RHBDL2: variants seen among roughly 807,000 people sequenced by gnomAD.
RHBDL2 encodes the protein rhomboid-related protein 2.
A neutral mutation model predicts 31.7 loss-of-function variants in RHBDL2; 26 were observed. The ratio of observed to expected loss-of-function variants is 0.82; its 90% CI spans 0.60 to 1.14. RHBDL2 has a LOEUF of 1.14. Ranked by LOEUF, RHBDL2 falls within the 50% of genes most tolerant of loss-of-function variation. The probability of loss-of-function intolerance (pLI) is 0.00; values close to 1 mark genes in which losing one functional copy is unlikely to be tolerated. For missense variants in RHBDL2, 336 were observed against 364.4 expected (o/e 0.92, Z 0.63); for synonymous variants, 123 against 127.2 (o/e 0.97, Z 0.22).
At chr1:38,921,829 T>C (rs1643319465) in intron 1 of RHBDL2, among the ~76,000 whole-genome samples, 1 of 152,178 alleles carries the variant, frequency 6.6e-6, no homozygotes, top group Admixed American at 6.6e-5. Flanking sequence ...AAAACTACAA[T>C]GTGGATTTAA....
At chr1:38,925,531 G>A (rs1643365865) in intron 1 of RHBDL2, among the ~76,000 whole-genome samples, 1 of 149,508 alleles carries the variant, frequency 6.7e-6, no homozygotes, top group African/African-American at 2.5e-5. Flanking sequence ...AAAAAAAAAA[G>A]GTTAATCTCT....
intron 4 of RHBDL2, among the ~76,000 whole-genome samples, chr1:38,905,989 C>T (rs979161369): frequency 6.6e-6 from 1 of 151,666 alleles, no homozygotes; most frequent in Non-Finnish European, 1.5e-5. Context: ...ATCGCTTGAA[C>T]CTGGGAGGCA....
chr1:38,888,469 C>T (rs1047502738), intron 6 of RHBDL2, among the ~76,000 whole-genome samples: 16 of 152,058 alleles, frequency 1.1e-4, no homozygotes, highest in African/African-American at 3.4e-4. Flanking sequence ...TGCCAGTTGT[C>T]GAGTGTGATT....
rs1642833817 is a variant in RHBDL2, at chr1:38,889,976, A to G, written c.671-1952T>C. ...AATTGAGGTCGAGGAAATATTCAATATTCATTTAGTTGTAAATGACTATTA... is the reference window on the plus strand; with the variant it reads ...AATTGAGGTCGAGGAAATATTCAATGTTCATTTAGTTGTAAATGACTATTA... On this transcript the variant is annotated intron_variant, in intron 6 of 7. Coordinates refer to ENST00000372990, the MANE Select transcript of RHBDL2 (RefSeq NM_017821.5). Among the ~76,000 whole-genome samples the G allele has an allele frequency of 2.0e-5, 3 of 152,022 alleles. No individual in the cohort carries two copies. The South Asian group carries it at 6.2e-4, about 32-fold the overall frequency.
At chr1:38,913,503 T>C (rs570189036) in intron 3 of RHBDL2, 1 of 151,846 alleles carries the variant, frequency 6.6e-6, no homozygotes, top group South Asian at 2.1e-4. Context: ...TTCTATTTTA[T>C]TTTTTATTTA....
At chr1:38,896,425 G>A (rs1470141153) in intron 4 of RHBDL2, among the ~76,000 whole-genome samples, 1 of 152,128 alleles carries the variant, frequency 6.6e-6, no homozygotes, top group Non-Finnish European at 1.5e-5. Flanking sequence ...GATTGTCAGG[G>A]TAAATAATGA....
chr1:38,896,216 A>C, intron 4 of RHBDL2, 147 bp from the exon 5 acceptor site: 1 of 607,888 alleles, frequency 1.6e-6, no homozygotes, highest in South Asian at 2.1e-5. Flanking sequence ...ATACCATAGA[A>C]GCATAGCTGT....
chr1:38,892,944 C>T (rs1460757488), intron 6 of RHBDL2, among the ~76,000 whole-genome samples: 1 of 152,212 alleles, frequency 6.6e-6, no homozygotes, highest in African/African-American at 2.4e-5. Context: ...AAAGGCTGCT[C>T]TAGTGCCAAT....
chr1:38,894,314 T>TTTGTTG (rs370276049), intron 5 of RHBDL2, among the ~76,000 whole-genome samples: 11 of 151,882 alleles, frequency 7.2e-5, no homozygotes, highest in Admixed American at 2.6e-4. Flanking sequence ...TACCTAGAAT[T>TTTGTTG]TTGTTGTTGT....
intron 1 of RHBDL2, among the ~76,000 whole-genome samples, chr1:38,928,333 G>C (rs749905479): frequency 1.3e-4 from 19 of 151,900 alleles, no homozygotes; most frequent in South Asian, 1.0e-3. Context: ...TAGTAGAGAC[G>C]GGGTTTCACC....
Position 38,911,973 on chromosome 1 carries a change from A to AT in RHBDL2, c.396-540dup, listed in dbSNP as rs879727227. On this transcript the variant is annotated intron_variant, in intron 3 of 7. Transcript: ENST00000372990. ...AGGTGCCTGCAACCACGCCCAGCTA[A>AT]TTTTTTTTTTTTTGGTAGACGGAGT... Among the ~76,000 whole-genome samples, 446 of 142,604 alleles carry AT rather than the reference A, an allele frequency of 3.1e-3. 2 individuals carry two copies. The highest frequency in any genetic ancestry group is 5.0e-3 in the African/African-American group (196 of 38,872). The allele number at this position is 142,604 out of a possible 152,430, so 93.6% of individuals were successfully genotyped here.
At chr1:38,891,863 C>G (rs1642859378) in intron 6 of RHBDL2, among the ~76,000 whole-genome samples, 1 of 152,160 alleles carries the variant, frequency 6.6e-6, no homozygotes, top group Non-Finnish European at 1.5e-5. Context: ...TCAGGTATAA[C>G]CTCTGCCTTG....
At chr1:38,892,857 G>A (rs750878913) in intron 6 of RHBDL2, among the ~76,000 whole-genome samples, 5 of 152,196 alleles carry the variant, frequency 3.3e-5, no homozygotes, top group Non-Finnish European at 7.3e-5. Flanking sequence ...GAAACAAATT[G>A]AGTCTAAGAA....
rs148409315 is a variant in RHBDL2 at position 38,919,094 on chromosome 1, G to A, written c.119C>T (p.Ala40Val). The change falls in exon 2 of 8, where the codon GCC (alanine) becomes GTC (valine). Residue 40 changes from alanine to valine, a missense_variant. By Grantham distance (64) the Ala-to-Val change is moderately conservative (BLOSUM62 0). Coordinates refer to ENST00000372990, the MANE Select transcript of RHBDL2 (RefSeq NM_017821.5). ...MREDGGGKDR[A>V]KSKKVHRIVS... ...AATCCTGTGGACCTTTTTACTCTTGGCCCGATCTTTACCTCCCCCATCCTC... is the reference window on the plus strand; with the variant it reads ...AATCCTGTGGACCTTTTTACTCTTGACCCGATCTTTACCTCCCCCATCCTC... 9.4e-5 allele frequency: 151 copies of A among 1,613,816 alleles called. 1 individual carries two copies. Among genetic ancestry groups the A allele is most frequent in the Non-Finnish European group, 1.2e-4 (143 of 1,180,006 alleles).
chr1:38,909,767 T>C (rs928473996), intron 4 of RHBDL2, among the ~76,000 whole-genome samples: 23 of 152,012 alleles, frequency 1.5e-4, no homozygotes, highest in African/African-American at 5.6e-4. Context: ...ATGAATTAAA[T>C]TAAATTAAAT....
intron 1 of RHBDL2, among the ~76,000 whole-genome samples, chr1:38,924,671 T>C (rs1393871749): frequency 6.6e-6 from 1 of 151,160 alleles, no homozygotes; most frequent in South Asian, 2.1e-4. Context: ...TTGTTAACAA[T>C]CACAGAGCCA....
chr1:38,887,958 C>T lies in RHBDL2; in HGVS notation c.732+5G>A, dbSNP rs1642807059. 1.3e-6 allele frequency: 2 copies of T among 1,594,324 alleles called. No homozygotes were observed. Among genetic ancestry groups the T allele is most frequent in the Non-Finnish European group, 1.7e-6 (2 of 1,163,580 alleles). ...TATTTTATAAAAGAAAGAAACTGAACTCACCGGAGACCCATCTTCAGGAAC... is the reference window on the plus strand; with the variant it reads ...TATTTTATAAAAGAAAGAAACTGAATTCACCGGAGACCCATCTTCAGGAAC... On this transcript the variant is annotated splice_donor_5th_base_variant and intron_variant, in intron 7 of 7. Transcript: ENST00000372990.
intron 5 of RHBDL2, among the ~76,000 whole-genome samples, chr1:38,894,999 C>G (rs1642899617): frequency 6.6e-6 from 1 of 152,162 alleles, no homozygotes; most frequent in Non-Finnish European, 1.5e-5. Context: ...GCCACCGCAC[C>G]CGGCCAAGGG....
intron 2 of RHBDL2, among the ~76,000 whole-genome samples, chr1:38,917,308 C>T (rs1643252113): frequency 6.6e-6 from 1 of 151,960 alleles, no homozygotes; most frequent in African/African-American, 2.4e-5. Context: ...TGCACCACTG[C>T]GCCCGGCCTA....
Sources: gnomAD v4.1 joint callset for allele counts (sites outside exome capture counted in the v4.1 genomes callset) on GRCh38, gnomAD v4.1.1 for gene constraint, MANE v1.5 for transcripts, NCBI Gene and HGNC (gene_info 2026-07-23, HGNC 2026-07-21) for gene names.